The following RAP1A variants were observed in gnomAD, a reference collection of about 807,000 sequenced individuals.
RAP1A encodes the protein RAP1A, member of RAS oncogene family.
RAP1A carries 6 observed loss-of-function variants against 26.4 expected under a neutral mutation model. That is an observed-to-expected ratio of 0.23 (90% confidence interval 0.12 to 0.45). The LOEUF is 0.45. RAP1A is among the 20% of genes least tolerant of loss of function. The pLI, the probability that RAP1A is intolerant of heterozygous loss-of-function variation, is 0.99. For synonymous variants in RAP1A, 73 were observed against 79.4 expected (o/e 0.92, Z 0.43); for missense variants, 121 against 217.2 (o/e 0.56, Z 2.78).
At chr1:111,576,040 A>G (rs1183162985) in intron 1 of RAP1A, among the ~76,000 whole-genome samples, 1 of 152,258 alleles carries the variant, frequency 6.6e-6, no homozygotes, top group African/African-American at 2.4e-5. Flanking sequence ...CCTGCCCTGC[A>G]TACTATTCTC....
chr1:111,670,580 TAAAAGCAGAAATTAAAG>T (rs1160917982), intron 1 of RAP1A, among the ~76,000 whole-genome samples: 1 of 151,808 alleles, frequency 6.6e-6, no homozygotes, highest in Non-Finnish European at 1.5e-5. Context: ...ATAATAAACA[TAAAAGCAGAAATTAAAG>T]AAATAGAAAA....
rs186210258 is a variant in RAP1A, at chr1:111,556,568, C to T, written c.-28+14059C>T. On this transcript the variant is annotated intron_variant, in intron 1 of 7. Transcript: ENST00000356415. Reference sequence around the variant, plus strand: ...TACATACAATAAAATATTATCCAGCCTTAAAAGGAAAGGAAATTCCAACAC... The same window carrying T: ...TACATACAATAAAATATTATCCAGCTTTAAAAGGAAAGGAAATTCCAACAC... Among the ~76,000 whole-genome samples the T allele has an allele frequency of 2.0e-3, 303 of 152,224 alleles. 1 individual carries two copies. The highest frequency in any genetic ancestry group is 6.9e-3 in the African/African-American group (288 of 41,514).
intron 1 of RAP1A, among the ~76,000 whole-genome samples, chr1:111,567,093 A>G (rs1404144224): frequency 6.6e-6 from 1 of 152,176 alleles, no homozygotes; most frequent in African/African-American, 2.4e-5. Flanking sequence ...ACATAGGGAT[A>G]TAAACATGAA....
chr1:111,623,184 ATT>A (rs34037836), intron 1 of RAP1A, among the ~76,000 whole-genome samples: 175 of 146,258 alleles, frequency 1.2e-3, no homozygotes, highest in Non-Finnish European at 9.8e-4. Context: ...CGCCCAGATA[ATT>A]TTTTTTTTTT....
chr1:111,607,315 A>C (rs3952502), intron 1 of RAP1A, among the ~76,000 whole-genome samples: 1 of 151,992 alleles, frequency 6.6e-6, no homozygotes, highest in Non-Finnish European at 1.5e-5. Flanking sequence ...ACAGCACATG[A>C]TTCAGAGAGC....
At chr1:111,634,250 C>T (rs751729791) in intron 1 of RAP1A, among the ~76,000 whole-genome samples, 3 of 152,038 alleles carry the variant, frequency 2.0e-5, no homozygotes, top group Non-Finnish European at 4.4e-5. Flanking sequence ...CTCTTCCCTC[C>T]CTGGTTAATT....
rs777440947 is a variant in RAP1A, at chr1:111,714,536, A to C, written c.*2135A>C. 6 of 152,238 alleles carry C rather than the reference A, an allele frequency of 3.9e-5. No individual in the cohort carries two copies. The highest frequency in any genetic ancestry group is 8.8e-5 in the Non-Finnish European group (6 of 68,046). The allele number at this position is 152,238 out of a possible 1,614,324, so 9.4% of individuals were successfully genotyped here. On this transcript the variant is annotated 3_prime_UTR_variant, in exon 8 of 8. Transcript: ENST00000369709. Reference sequence around the variant, plus strand: ...TTCTATTTTAGAATGTGGTGGAGAAAGATGATAGTTATTAGATTCCTTTGT... The same window carrying C: ...TTCTATTTTAGAATGTGGTGGAGAACGATGATAGTTATTAGATTCCTTTGT...
chr1:111,586,579 T>C (rs886599994), intron 1 of RAP1A, among the ~76,000 whole-genome samples: 1 of 152,090 alleles, frequency 6.6e-6, no homozygotes, highest in African/African-American at 2.4e-5. Context: ...TGAGACCACA[T>C]CTCAACAACA....
intron 1 of RAP1A, among the ~76,000 whole-genome samples, chr1:111,683,159 A>G (rs528495692): frequency 3.3e-5 from 5 of 152,350 alleles, no homozygotes; most frequent in African/African-American, 1.2e-4. Context: ...TCTGGGACAC[A>G]GCTAAAGCAG....
intron 1 of RAP1A, among the ~76,000 whole-genome samples, chr1:111,592,933 C>A (rs1369609552): frequency 1.3e-5 from 2 of 152,104 alleles, no homozygotes; most frequent in Non-Finnish European, 1.5e-5. Flanking sequence ...AAATGAGTCA[C>A]CACACTTCCA....
chr1:111,683,636 C>T (rs1661374150), intron 1 of RAP1A, among the ~76,000 whole-genome samples: 1 of 152,132 alleles, frequency 6.6e-6, no homozygotes, highest in African/African-American at 2.4e-5. Context: ...TTGAATAGAC[C>T]AATAACAAGT....
intron 1 of RAP1A, among the ~76,000 whole-genome samples, chr1:111,549,421 G>T (rs1327906644): frequency 6.6e-6 from 1 of 151,368 alleles, no homozygotes; most frequent in African/African-American, 2.4e-5. Flanking sequence ...GGCTGAGGCA[G>T]GTGGATCACC....
At chr1:111,568,482 C>G (rs1361672514) in intron 1 of RAP1A, among the ~76,000 whole-genome samples, 2 of 152,158 alleles carry the variant, frequency 1.3e-5, no homozygotes, top group Admixed American at 1.3e-4. Flanking sequence ...AGGGATCCAC[C>G]CCCATGATCC....
chr1:111,594,962 A>T (rs1658538461), intron 1 of RAP1A, among the ~76,000 whole-genome samples: 1 of 152,272 alleles, frequency 6.6e-6, no homozygotes. Context: ...TCTTATAGGC[A>T]TATAGACTTA....
chr1:111,543,852 G>C (rs1656938263), intron 1 of RAP1A, among the ~76,000 whole-genome samples: 1 of 152,222 alleles, frequency 6.6e-6, no homozygotes, highest in Non-Finnish European at 1.5e-5. Context: ...AGTTGGTAAG[G>C]GTTTATTTTA....
At chr1:111,707,374 CT>C (rs2101303549) in intron 6 of RAP1A, among the ~76,000 whole-genome samples, 1 of 152,228 alleles carries the variant, frequency 6.6e-6, no homozygotes, top group Admixed American at 6.5e-5. Context: ...TTAAAATGTA[CT>C]CAAATGATGT....
chr1:111,661,759 A>G (rs1053800781), intron 1 of RAP1A, among the ~76,000 whole-genome samples: 19 of 150,222 alleles, frequency 1.3e-4, no homozygotes, highest in Non-Finnish European at 2.5e-4. Context: ...AGATTGCGCC[A>G]CTGCACTCCA....
In RAP1A at chr1:111,655,658, CTTTTTTTTTTTTT is replaced by C. The variant is rs34266778; in HGVS notation, c.-27-35661_-27-35649del. 7.5e-4 allele frequency among the ~76,000 whole-genome samples: 64 copies of C among 85,160 alleles called. 1 individual carries two copies. The highest frequency in any genetic ancestry group is 6.4e-4 in the Non-Finnish European group (31 of 48,514). 55.9% of individuals were successfully genotyped at this position (85,160 alleles called of 152,430 possible). On this transcript the variant is annotated intron_variant, in intron 1 of 7. Coordinates refer to ENST00000369709, the MANE Select transcript of RAP1A (RefSeq NM_002884.4). ...GAAGAACCTTAAAAATGTTCATAGT[CTTTTTTTTTTTTT>C]TTTTTTTTTTTTTTAAGACGGAATC... is the stretch of plus-strand genomic sequence containing the variant.
At chr1:111,575,340 G>A (rs1238605917) in intron 1 of RAP1A, among the ~76,000 whole-genome samples, 1 of 152,150 alleles carries the variant, frequency 6.6e-6, no homozygotes, top group Non-Finnish European at 1.5e-5. Context: ...GTTTAGTAGA[G>A]ACGGGTTTCG....
Sources: gnomAD v4.1 joint callset for allele counts (sites outside exome capture counted in the v4.1 genomes callset) on GRCh38, gnomAD v4.1.1 for gene constraint, MANE v1.5 for transcripts, NCBI Gene and HGNC (gene_info 2026-07-23, HGNC 2026-07-21) for gene names.